The following COPA variants were observed in gnomAD, a reference collection of about 807,000 sequenced individuals.
COPA encodes coatomer subunit alpha.
Under a neutral mutation model 158.7 loss-of-function variants are expected in COPA, and 10 were observed. The ratio of observed to expected loss-of-function variants is 0.06; its 90% CI spans 0.04 to 0.11. The LOEUF (loss-of-function observed/expected upper bound fraction) is 0.11. Among genes scored for constraint, COPA ranks in the 10% least tolerant of loss-of-function variants. The probability of loss-of-function intolerance (pLI) is 1.00; values close to 1 mark genes in which losing one functional copy is unlikely to be tolerated. For synonymous variants in COPA, 462 were observed against 542.8 expected (o/e 0.85, Z 2.07); for missense variants, 1,065 against 1,536.7 (o/e 0.69, Z 5.13).
intron 8 of COPA, among the ~76,000 whole-genome samples, chr1:160,317,067 G>C (rs761870572): frequency 6.6e-6 from 1 of 151,996 alleles, no homozygotes; most frequent in East Asian, 1.9e-4. Flanking sequence ...CAGGCCAAGA[G>C]AGAGAGGAAT....
rs1658165978 is a variant in COPA, at chr1:160,289,874, A to G, written c.*283T>C. 1.6e-5 allele frequency: 5 copies of G among 307,514 alleles called. No homozygotes were observed. Among genetic ancestry groups the G allele is most frequent in the Admixed American group, 1.0e-4 (2 of 19,774 alleles). 19.0% of individuals were successfully genotyped at this position (307,514 alleles called of 1,614,324 possible). On this transcript the variant is annotated 3_prime_UTR_variant, in exon 33 of 33. Transcript: ENST00000241704. ...CCAAAGTGCTGGGATTACAGGTATG[A>G]GCCACTCCACCCAGCCCAGAGTTTT...
At chr1:160,328,204 A>G (rs1647346338) in intron 6 of COPA, among the ~76,000 whole-genome samples, 2 of 152,224 alleles carry the variant, frequency 1.3e-5, no homozygotes, top group African/African-American at 4.8e-5. Context: ...AGATCTGTCA[A>G]CTTTTTCTAA....
intron 19 of COPA, among the ~76,000 whole-genome samples, chr1:160,298,580 A>T (rs1427705766): frequency 6.6e-6 from 1 of 152,232 alleles, no homozygotes; most frequent in East Asian, 1.9e-4. Context: ...TTCAAATTCC[A>T]TGCCATCTTG....
At chr1:160,327,685 C>T (rs1175383385) in intron 6 of COPA, among the ~76,000 whole-genome samples, 8 of 152,188 alleles carry the variant, frequency 5.3e-5, no homozygotes, top group Admixed American at 5.2e-4. Flanking sequence ...TGGTGAAACC[C>T]TGTCTCTACT....
At position 160,296,043 on chromosome 1, in the gene COPA, A is replaced by G; in HGVS notation, c.2352+18T>C. 1 of 1,609,010 alleles carries G rather than the reference A, an allele frequency of 6.2e-7. No homozygotes were observed. Among genetic ancestry groups the G allele is most frequent in the Non-Finnish European group, 8.5e-7 (1 of 1,175,404 alleles). ...GTTAATCCTGTAATAAGAGACAATT[A>G]TGTAAATAAAGACTCACTGTCTCCT... On this transcript the variant is annotated intron_variant, in intron 22 of 32. Transcript: ENST00000241704.
At chr1:160,300,124 G>A (rs1658548826) in intron 17 of COPA, among the ~76,000 whole-genome samples, 1 of 151,980 alleles carries the variant, frequency 6.6e-6, no homozygotes, top group African/African-American at 2.4e-5. Context: ...TAGATCACAT[G>A]AAGCCAGGAG....
chr1:160,306,384 G>A lies in COPA; in HGVS notation c.1412C>T (p.Ser471Phe), dbSNP rs1658786216. 1.2e-6 allele frequency: 2 copies of A among 1,612,712 alleles called. No homozygotes were observed. Among genetic ancestry groups the A allele is most frequent in the Non-Finnish European group, 1.7e-6 (2 of 1,179,216 alleles). Residue 471 changes from serine to phenylalanine, a missense_variant, in exon 15 of 33, where the codon TCT (serine) becomes TTT (phenylalanine). Coordinates refer to ENST00000241704, the MANE Select transcript of COPA (RefSeq NM_004371.4). ...TGNLLLRDAD[S>F]ITLFDVQQKR... ...CTGCTGTACGTCAAAGAGTGTGATA[G>A]AGTCCGCATCTCGAAGCAGGAGATT...
rs569914399 is a variant in COPA at position 160,319,308 on chromosome 1, T to C, written c.706+4123A>G. Among the ~76,000 whole-genome samples, 47 of 152,000 alleles carry C rather than the reference T, an allele frequency of 3.1e-4. No homozygotes were observed. In the South Asian group the frequency reaches 9.8e-3, roughly 32 times the overall value. ...GACAAAGAAGGTCACTATATAATGA[T>C]AAAGGGGTCAATTCAGCAAGAGGAA... is the stretch of plus-strand genomic sequence containing the variant. On this transcript the variant is annotated intron_variant, in intron 8 of 32. Coordinates refer to ENST00000241704, the MANE Select transcript of COPA (RefSeq NM_004371.4).
Position 160,295,748 on chromosome 1 carries a change from T to C in COPA, c.2464A>G (p.Ile822Val). The C allele has an allele frequency of 6.2e-7, 1 of 1,606,602 alleles. No individual in the cohort carries two copies. Among genetic ancestry groups the C allele is most frequent in the East Asian group, 2.2e-5 (1 of 44,858 alleles). Residue 822 changes from isoleucine to valine, a missense_variant, in exon 23 of 33, where the codon ATT (isoleucine) becomes GTT (valine). Physicochemically the swap from Ile to Val is conservative, Grantham distance 29. Around this residue, in one of 2 missense-constraint regions of COPA, gnomAD observed 980 missense variants for 1,357.8 expected, o/e 0.72. Transcript: ENST00000241704. ...TVSKGFFEGT[I>V]ASKGKGGALA... ...AATAGGTACTTACCTTTGCTGGCAA[T>C]GGTGCCTTCAAAAAATCCTTTGGAT...
intron 5 of COPA, among the ~76,000 whole-genome samples, chr1:160,333,061 C>T (rs916795352): frequency 6.6e-5 from 10 of 152,184 alleles, no homozygotes; most frequent in Admixed American, 2.0e-4. Context: ...GTAGCTGGGA[C>T]TATAGGCACA....
At chr1:160,301,081 C>T (rs566955304) in intron 17 of COPA, among the ~76,000 whole-genome samples, 10 of 151,860 alleles carry the variant, frequency 6.6e-5, no homozygotes, top group African/African-American at 2.2e-4. Flanking sequence ...TGCTTGAACC[C>T]GGGAGGTGGA....
chr1:160,306,255 G>T, intron 15 of COPA, 99 bp downstream of exon 15: 1 of 1,407,196 alleles, frequency 7.1e-7, no homozygotes, highest in Non-Finnish European at 9.6e-7. Context: ...AAGTGGCCAA[G>T]CCACAAGACA....
chr1:160,304,169 A>G (rs539891418), intron 17 of COPA, among the ~76,000 whole-genome samples: 1 of 151,148 alleles, frequency 6.6e-6, no homozygotes, highest in Non-Finnish European at 1.5e-5. Flanking sequence ...CACCACCACC[A>G]CACCCAGCTA....
rs1658752708 is a variant in COPA, at chr1:160,305,480, T to C, written c.1620A>G (p.Val540=). The C allele has an allele frequency of 6.2e-7, 1 of 1,614,172 alleles. No homozygotes were observed. The highest frequency in any genetic ancestry group is 8.5e-7 in the Non-Finnish European group (1 of 1,180,010). ...VKSGAWDESG[V]FIYTTSNHIK... is the part of the protein sequence containing the mutation. ...TGTGGTTGCTTGTGGTATAGATAAA[T>C]ACCCCACTCTCATCCCAGGCCCCAC... Residue 540 remains valine, a synonymous_variant, in exon 17 of 33, where the codon GTA becomes GTG. Coordinates refer to ENST00000241704, the MANE Select transcript of COPA (RefSeq NM_004371.4).
rs1184784156 is a variant in COPA, at chr1:160,335,363, G to A, written c.229-41C>T. On this transcript the variant is annotated intron_variant, in intron 3 of 32. Coordinates refer to ENST00000241704, the MANE Select transcript of COPA (RefSeq NM_004371.4). ...AAACTAAGAAACAGAAATAGTTATT[G>A]AGCCTCTAAAAGGCTCAGAGAAATT... 5 of 1,556,014 alleles carry A rather than the reference G, an allele frequency of 3.2e-6. No homozygotes were observed. In the South Asian group the frequency reaches 5.9e-5, roughly 18 times the overall value.
chr1:160,322,875 C>T (rs747770989), intron 8 of COPA, among the ~76,000 whole-genome samples: 2 of 152,070 alleles, frequency 1.3e-5, no homozygotes, highest in Non-Finnish European at 2.9e-5. Flanking sequence ...TATATCAAAG[C>T]GGTATCTGCA....
chr1:160,306,952 G>C (rs372544235), intron 14 of COPA, among the ~76,000 whole-genome samples: 3 of 152,302 alleles, frequency 2.0e-5, no homozygotes, highest in African/African-American at 7.2e-5. Flanking sequence ...CTTAAACCCA[G>C]AGCCACGGCG....
chr1:160,319,737 CAA>C (rs1659269532), intron 8 of COPA, among the ~76,000 whole-genome samples: 2 of 151,216 alleles, frequency 1.3e-5, no homozygotes, highest in African/African-American at 2.4e-5. Context: ...TCAGAAAATA[CAA>C]ACACATGTAA....
At chr1:160,336,348 A>G (rs1385697539) in intron 3 of COPA, among the ~76,000 whole-genome samples, 1 of 151,772 alleles carries the variant, frequency 6.6e-6, no homozygotes, top group African/African-American at 2.4e-5. Flanking sequence ...AAAAAAAAAA[A>G]GTAGGACAGA....
Sources: gnomAD v4.1 joint callset for allele counts (sites outside exome capture counted in the v4.1 genomes callset) on GRCh38, gnomAD v4.1.1 for gene constraint, gnomAD v4.1.1 regional missense constraint, MANE v1.5 for transcripts, NCBI Gene and HGNC (gene_info 2026-07-23, HGNC 2026-07-21) for gene names.